EPHB2: variants seen among roughly 807,000 people sequenced by gnomAD.
The protein encoded by EPHB2 is ephrin type-B receptor 2.
Under a neutral mutation model 96.4 loss-of-function variants are expected in EPHB2, and 18 were observed. The ratio of observed to expected loss-of-function variants is 0.19; its 90% CI spans 0.13 to 0.28. The LOEUF is 0.28. Ranked by LOEUF, EPHB2 falls within the 10% of genes least tolerant of loss-of-function variation. The probability of loss-of-function intolerance (pLI) is 1.00; values close to 1 mark genes in which losing one functional copy is unlikely to be tolerated. For synonymous variants in EPHB2, 506 were observed against 534.1 expected (o/e 0.95, Z 0.72); for missense variants, 989 against 1,355.4 (o/e 0.73, Z 4.25).
chr1:22,819,442 C>G (rs759375211), intron 3 of EPHB2, among the ~76,000 whole-genome samples: 1 of 152,106 alleles, frequency 6.6e-6, no homozygotes, highest in Non-Finnish European at 1.5e-5. Flanking sequence ...TCCTGGTACC[C>G]CCATTCATCC....
chr1:22,809,502 A>G (rs1026571099), intron 3 of EPHB2, among the ~76,000 whole-genome samples: 5 of 152,348 alleles, frequency 3.3e-5, no homozygotes, highest in Admixed American at 2.0e-4. Flanking sequence ...TGTTATATAC[A>G]TACTCATTTA....
At chr1:22,742,041 C>T (rs1023709844) in intron 1 of EPHB2, among the ~76,000 whole-genome samples, 2 of 136,898 alleles carry the variant, frequency 1.5e-5, no homozygotes, top group African/African-American at 2.7e-5. Flanking sequence ...ATCTGAGGCT[C>T]GGAAAGAACA....
chr1:22,813,519 G>A (rs532880990), intron 3 of EPHB2, among the ~76,000 whole-genome samples: 13 of 152,366 alleles, frequency 8.5e-5, no homozygotes, highest in Non-Finnish European at 1.2e-4. Context: ...GGTTGACCTC[G>A]AGATGAGCAG....
At chr1:22,851,558 C>T (rs1471632615) in intron 3 of EPHB2, among the ~76,000 whole-genome samples, 1 of 152,314 alleles carries the variant, frequency 6.6e-6, no homozygotes, top group Non-Finnish European at 1.5e-5. Context: ...GCTCTGCTGG[C>T]CACTCATTTA....
At chr1:22,885,030 C>T (rs74061064) in intron 6 of EPHB2, among the ~76,000 whole-genome samples, 3,977 of 152,192 alleles carry the variant, frequency 0.026, 172 homozygotes, top group African/African-American at 0.09. Flanking sequence ...TGTTGGATGA[C>T]TCAGGAAGTG....
chr1:22,846,289 G>A lies in EPHB2; in HGVS notation c.812-16748G>A, dbSNP rs12750256. ...AAAATAGTCGGGCATAGTGACGTGC[G>A]CCTGTAATCCCAGCTACTAGGGAGG... On this transcript the variant is annotated intron_variant, in intron 3 of 15. Transcript: ENST00000374630. This position sits in a 1 kb window ranked among gnomAD's most constrained non-coding sequence, Gnocchi z 4.3. 0.52 allele frequency among the ~76,000 whole-genome samples: 78,968 copies of A among 151,794 alleles called. 20,600 individuals carry two copies. Among genetic ancestry groups the A allele is most frequent in the Middle Eastern group, 0.59 (173 of 292 alleles).
At chr1:22,872,779 C>A (rs1428347891) in intron 5 of EPHB2, among the ~76,000 whole-genome samples, 1 of 152,166 alleles carries the variant, frequency 6.6e-6, no homozygotes, top group African/African-American at 2.4e-5. Context: ...TGCTGTGGGG[C>A]GGGCACACAA....
chr1:22,890,312 G>A (rs1639350607), intron 6 of EPHB2, among the ~76,000 whole-genome samples: 1 of 152,184 alleles, frequency 6.6e-6, no homozygotes, highest in South Asian at 2.1e-4. Context: ...TGGCTGGGAT[G>A]TCAAGGAGGC....
intron 3 of EPHB2, among the ~76,000 whole-genome samples, chr1:22,801,789 C>A (rs546602611): frequency 6.6e-6 from 1 of 152,244 alleles, no homozygotes; most frequent in African/African-American, 2.4e-5. Context: ...CCCGCCCCCT[C>A]GTGCTGCAGT....
intron 12 of EPHB2, among the ~76,000 whole-genome samples, chr1:22,908,457 G>A (rs1417601752): frequency 1.3e-5 from 2 of 152,246 alleles, no homozygotes; most frequent in Non-Finnish European, 2.9e-5. Context: ...GAGAGCAGAA[G>A]GGCCCGGAAA....
intron 3 of EPHB2, among the ~76,000 whole-genome samples, chr1:22,798,580 G>C (rs970031280): frequency 6.6e-6 from 1 of 151,964 alleles, no homozygotes; most frequent in African/African-American, 2.4e-5. Context: ...TGTGGGACTC[G>C]ATTCTCTCAT....
In EPHB2 at chr1:22,710,959, C is replaced by G; in HGVS notation, c.-24C>G. Reference sequence around the variant, plus strand: ...CCGTCCGGGCCCCGCGGCGCCGCGGCCCGAGGCCCCGGGAAGCGCAGCCAT... The same window carrying G: ...CCGTCCGGGCCCCGCGGCGCCGCGGGCCGAGGCCCCGGGAAGCGCAGCCAT... On this transcript the variant is annotated 5_prime_UTR_variant, in exon 1 of 16. Transcript: ENST00000374630. 1 of 155,274 alleles carries G rather than the reference C, an allele frequency of 6.4e-6. No homozygotes were observed. Among genetic ancestry groups the G allele is most frequent in the Non-Finnish European group, 1.4e-5 (1 of 69,940 alleles). The allele number at this position is 155,274 out of a possible 1,614,324, so 9.6% of individuals were successfully genotyped here.
chr1:22,753,146 A>G (rs537590461), intron 1 of EPHB2, among the ~76,000 whole-genome samples: 8 of 152,226 alleles, frequency 5.3e-5, no homozygotes, highest in Admixed American at 4.6e-4. Context: ...CTACTGGTTT[A>G]GGCATTGTGG....
At chr1:22,852,894 G>T (rs1003087120) in intron 3 of EPHB2, among the ~76,000 whole-genome samples, 1 of 152,212 alleles carries the variant, frequency 6.6e-6, no homozygotes, top group African/African-American at 2.4e-5. Context: ...GTAGGAGGAG[G>T]GGAGATGGGA....
intron 9 of EPHB2, among the ~76,000 whole-genome samples, chr1:22,904,830 A>G (rs1446834830): frequency 6.6e-6 from 1 of 152,256 alleles, no homozygotes; most frequent in Non-Finnish European, 1.5e-5. Context: ...TCTAAAATAG[A>G]GGCCAAGAGT....
At chr1:22,850,280 A>G (rs554445446) in intron 3 of EPHB2, among the ~76,000 whole-genome samples, 1 of 152,326 alleles carries the variant, frequency 6.6e-6, no homozygotes, top group African/African-American at 2.4e-5. Context: ...GGATTTAGGA[A>G]TCTGAGGGCC....
intron 3 of EPHB2, among the ~76,000 whole-genome samples, chr1:22,789,249 G>A (rs1212241623): frequency 3.9e-5 from 6 of 152,206 alleles, no homozygotes; most frequent in Non-Finnish European, 5.9e-5. Flanking sequence ...ATCTCTAAGA[G>A]GATGTGGTTT....
At chr1:22,829,468 C>G (rs146606959) in intron 3 of EPHB2, among the ~76,000 whole-genome samples, 1 of 152,232 alleles carries the variant, frequency 6.6e-6, no homozygotes, top group Non-Finnish European at 1.5e-5. Flanking sequence ...ACCATGGGTG[C>G]GTGGTCCCCA....
At position 22,892,878 on chromosome 1, in the gene EPHB2, C is replaced by T. The variant is rs200935672; in HGVS notation, c.1429-6C>T. 2.1e-5 allele frequency: 34 copies of T among 1,614,172 alleles called. No homozygotes were observed. Among genetic ancestry groups the T allele is most frequent in the African/African-American group, 6.7e-5 (5 of 75,058 alleles). On this transcript the variant is annotated splice_polypyrimidine_tract_variant and splice_region_variant and intron_variant, in intron 6 of 15. Coordinates refer to ENST00000374630, the MANE Select transcript of EPHB2 (RefSeq NM_017449.5). ...CTCACTAATTTTCTTCTCTGTTCCT[C>T]GGCAGGAGCTCAGTGAGTACAACGC...
Sources: allele counts gnomAD v4.1 joint callset (sites outside exome capture counted in the v4.1 genomes callset), GRCh38; gene constraint gnomAD v4.1.1; non-coding constraint Gnocchi (gnomAD v3.1); transcripts MANE v1.5; gene names NCBI Gene and HGNC (gene_info 2026-07-23, HGNC 2026-07-21).